The following HDLBP variants were observed in gnomAD, a reference collection of about 807,000 sequenced individuals.
HDLBP encodes vigilin.
A neutral mutation model predicts 137.3 loss-of-function variants in HDLBP; 30 were observed. The observed-to-expected ratio is 0.22, with a 90% CI of 0.16 to 0.30. The LOEUF (loss-of-function observed/expected upper bound fraction) is 0.30. HDLBP is among the 10% of genes least tolerant of loss of function. The pLI is 1.00. For missense variants in HDLBP, 1,119 were observed against 1,667.3 expected, an observed-to-expected ratio of 0.67 and a Z score of 5.73; for synonymous variants, 606 against 596.0, an observed-to-expected ratio of 1.02 and a Z score of -0.24.
At chr2:241,312,639 C>G (rs770840721) in intron 1 of HDLBP, among the ~76,000 whole-genome samples, 5 of 152,174 alleles carry the variant, frequency 3.3e-5, no homozygotes, top group Non-Finnish European at 4.4e-5. Flanking sequence ...TCTTTCAGAA[C>G]TTGGTTACTT....
At chr2:241,237,134 A>G (rs7607714) in intron 20 of HDLBP, among the ~76,000 whole-genome samples, 112,286 of 152,152 alleles carry the variant, frequency 0.74, 42,593 homozygotes, top group East Asian at 0.95. Flanking sequence ...CACAGGGCAG[A>G]CCCACTGCAC....
In HDLBP at chr2:241,312,448, A is replaced by G. The variant is rs1039735074; in HGVS notation, c.-103+3122T>C. On this transcript the variant is annotated intron_variant, in intron 1 of 27. Transcript: ENST00000310931. The stretch of plus-strand genomic sequence containing the variant: ...ATACACATGAAAAAAGGTTCTTTTC[A>G]TTATTTTCTTGGTTTCCAGATGTTG... Among the ~76,000 whole-genome samples, 4 of 152,326 alleles carry G rather than the reference A, an allele frequency of 2.6e-5. No homozygotes were observed. In the East Asian group the frequency reaches 7.7e-4, roughly 29 times the overall value.
At chr2:241,262,613 T>A in intron 5 of HDLBP, 98 bp downstream of exon 5, 1 of 871,788 alleles carries the variant, frequency 1.1e-6, no homozygotes, top group South Asian at 1.5e-5. Flanking sequence ...ACTGTCCCAC[T>A]GGTAGGAAGG....
chr2:241,277,816 T>C (rs1026887666), intron 1 of HDLBP, among the ~76,000 whole-genome samples: 21 of 151,836 alleles, frequency 1.4e-4, no homozygotes, highest in East Asian at 1.9e-4. Context: ...GCAAAATTAG[T>C]TGGGCGTGGT....
At chr2:241,264,755 G>C in intron 3 of HDLBP, 150 bp from the exon 4 acceptor site, 1 of 750,202 alleles carries the variant, frequency 1.3e-6, no homozygotes, top group South Asian at 2.0e-5. Context: ...CTAATTCATA[G>C]TGATAGGAAA....
At chr2:241,273,519 G>A (rs1425979462) in intron 1 of HDLBP, 4 of 873,822 alleles carry the variant, frequency 4.6e-6, no homozygotes, top group East Asian at 1.2e-4. Context: ...CCACCCTCCG[G>A]GAAGGACTTG....
chr2:241,255,613 G>A (rs753814400), intron 7 of HDLBP, 33 bp from the exon 8 acceptor site: 2 of 1,568,828 alleles, frequency 1.3e-6, no homozygotes, highest in East Asian at 2.2e-5. Context: ...GCAGTCAAAG[G>A]GAAAGGTGTG....
intron 5 of HDLBP, among the ~76,000 whole-genome samples, chr2:241,259,258 AAAC>A (rs1368118806): frequency 6.6e-6 from 1 of 152,228 alleles, no homozygotes; most frequent in African/African-American, 2.4e-5. Flanking sequence ...CTCAAACAAC[AAAC>A]AACAAAGGAT....
chr2:241,302,925 C>T (rs1225714903), intron 1 of HDLBP, among the ~76,000 whole-genome samples: 1 of 152,182 alleles, frequency 6.6e-6, no homozygotes, highest in Non-Finnish European at 1.5e-5. Context: ...TCCTTCTCTG[C>T]CTGGCCCGAG....
chr2:241,276,332 A>G (rs1377367040), intron 1 of HDLBP, among the ~76,000 whole-genome samples: 1 of 152,210 alleles, frequency 6.6e-6, no homozygotes, highest in Non-Finnish European at 1.5e-5. Flanking sequence ...ATTAGGTGGT[A>G]GGTTCAGCGG....
chr2:241,305,765 T>G (rs1321366677), intron 1 of HDLBP, among the ~76,000 whole-genome samples: 1 of 145,994 alleles, frequency 6.8e-6, no homozygotes, highest in Non-Finnish European at 1.5e-5. Flanking sequence ...TATTTGTTTT[T>G]TTTTTTTTTT....
At chr2:241,284,760 T>C (rs1459116672) in intron 1 of HDLBP, among the ~76,000 whole-genome samples, 1 of 152,186 alleles carries the variant, frequency 6.6e-6, no homozygotes, top group East Asian at 1.9e-4. Flanking sequence ...CCCCAACATG[T>C]AGCAACCTCT....
At chr2:241,284,347 TG>T (rs201455766) in intron 1 of HDLBP, among the ~76,000 whole-genome samples, 24,145 of 152,166 alleles carry the variant, frequency 0.16, 2,426 homozygotes, top group East Asian at 0.4. Flanking sequence ...AGAAAGCAAC[TG>T]CAAGTGTGGT....
At position 241,230,231 on chromosome 2, in the gene HDLBP, G is replaced by A. The variant is rs1200577800; in HGVS notation, c.3513C>T (p.Pro1171=). ...IRFPQSGAPD[P]NCVTVTGLPE... is the part of the protein sequence containing the mutation. ...GGAGCCCCGTCACAGTGACGCAGTT[G>A]GGGTCTGGGGCTCCGCTCTGTGGGA... Residue 1171 remains proline, a synonymous_variant, in exon 26 of 28, where the codon CCC becomes CCT. Transcript: ENST00000310931. This position sits in a 1 kb window ranked among gnomAD's most constrained non-coding sequence, Gnocchi z 5.0. 1.2e-6 allele frequency: 2 copies of A among 1,611,470 alleles called. No homozygotes were observed. Among genetic ancestry groups the A allele is most frequent in the Non-Finnish European group, 1.7e-6 (2 of 1,177,988 alleles).
chr2:241,282,152 C>G lies in HDLBP; in HGVS notation c.-102-13611G>C, dbSNP rs1294760780. Among the ~76,000 whole-genome samples, 3 of 152,172 alleles carry G rather than the reference C, an allele frequency of 2.0e-5. 1 individual carries two copies. The South Asian group carries it at 6.2e-4, about 32-fold the overall frequency. On this transcript the variant is annotated intron_variant, in intron 1 of 27. Coordinates refer to ENST00000310931, the MANE Select transcript of HDLBP (RefSeq NM_005336.6). ...CAAACATTTCTGGGGAAAAGAGGAG[C>G]ACGTTACGTTTACAGTATTTCCTAA...
intron 16 of HDLBP, chr2:241,246,504 AG>A: frequency 2.3e-6 from 1 of 440,866 alleles, no homozygotes; most frequent in Non-Finnish European, 4.0e-6. Flanking sequence ...GGTAACAAGA[AG>A]AAAATGTCTA....
At chr2:241,278,245 G>A (rs191590505) in intron 1 of HDLBP, among the ~76,000 whole-genome samples, 24 of 152,228 alleles carry the variant, frequency 1.6e-4, no homozygotes, top group African/African-American at 5.1e-4. Context: ...AAAGTTACTC[G>A]CCACATTAAC....
At chr2:241,267,705 G>A in intron 2 of HDLBP, 6 of 1,535,280 alleles carry the variant, frequency 3.9e-6, no homozygotes, top group Non-Finnish European at 5.2e-6. Flanking sequence ...GTTATAAGTG[G>A]TAGCTGCGTG....
intron 3 of HDLBP, among the ~76,000 whole-genome samples, chr2:241,265,461 C>T (rs895936957): frequency 1.3e-5 from 2 of 152,214 alleles, no homozygotes; most frequent in Non-Finnish European, 2.9e-5. Flanking sequence ...CTGATCTCCC[C>T]CTGCCCTGCC....
Sources: allele counts gnomAD v4.1 joint callset (sites outside exome capture counted in the v4.1 genomes callset), GRCh38; gene constraint gnomAD v4.1.1; non-coding constraint Gnocchi (gnomAD v3.1); transcripts MANE v1.5; gene names NCBI Gene and HGNC (gene_info 2026-07-23, HGNC 2026-07-21).